Variants in CLPB observed in about 807,000 individuals in gnomAD.
CLPB encodes the protein mitochondrial disaggregase.
In CLPB, 40 loss-of-function variants were observed where a neutral mutation model predicts 78.4. The observed-to-expected ratio is 0.51, with a 90% CI of 0.40 to 0.66. CLPB has a LOEUF of 0.66. CLPB is among the 30% of genes least tolerant of loss of function. The probability of loss-of-function intolerance (pLI) is 0.00; values close to 1 mark genes in which losing one functional copy is unlikely to be tolerated. For synonymous variants in CLPB, 333 were observed against 348.0 expected, an observed-to-expected ratio of 0.96 and a Z score of 0.48; for missense variants, 780 against 886.9, an observed-to-expected ratio of 0.88 and a Z score of 1.53.
intron 5 of CLPB, among the ~76,000 whole-genome samples, chr11:72,358,055 C>A (rs1034407350): frequency 6.6e-6 from 1 of 152,166 alleles, no homozygotes; most frequent in Non-Finnish European, 1.5e-5. Flanking sequence ...CAAGGAGAGG[C>A]AGGAGTGGGA....
rs1949537655 is a variant in CLPB at position 72,295,599 on chromosome 11, A to G, written c.1379T>C (p.Ile460Thr). ...KGKTIDCKDA[I>T]FIMTSNVASD... The stretch of plus-strand genomic sequence containing the variant: ...GGCCACATTGGAGGTCATGATGAAG[A>G]TGGCGTCCTTGCAATCAATGGTCTT... Residue 460 changes from isoleucine (I) to threonine (T), a missense_variant, in exon 12 of 16, where the codon ATC becomes ACC. This residue lies in a region of CLPB where 272 missense variants were observed against 304.0 expected (regional missense o/e 0.89). Transcript: ENST00000538039. 6.2e-7 allele frequency: 1 copy of G among 1,614,116 alleles called. No homozygotes were observed. Among genetic ancestry groups the G allele is most frequent in the East Asian group, 2.2e-5 (1 of 44,886 alleles).
rs576878066 is a variant in CLPB at position 72,338,232 on chromosome 11, C to A, written c.776-8428G>T. On this transcript the variant is annotated intron_variant, in intron 5 of 15. Transcript: ENST00000538039. ...ATGAAGATGATGATTCTTCCCCCTA[C>A]CCCCCTGGTACAAGGGAGCTAGGCA... 2.0e-5 allele frequency among the ~76,000 whole-genome samples: 3 copies of A among 152,212 alleles called. No homozygotes were observed. The South Asian group carries it at 6.2e-4, about 32-fold the overall frequency.
At chr11:72,349,178 G>A (rs1345831702) in intron 5 of CLPB, among the ~76,000 whole-genome samples, 6 of 152,166 alleles carry the variant, frequency 3.9e-5, no homozygotes, top group Non-Finnish European at 5.9e-5. Context: ...ATTATTTTAC[G>A]GATAAGGAAA....
chr11:72,357,688 C>T (rs1356077297), intron 5 of CLPB, among the ~76,000 whole-genome samples: 1 of 130,078 alleles, frequency 7.7e-6, no homozygotes, highest in East Asian at 2.2e-4. Context: ...AAAAGCAAAA[C>T]TCCGTGTCCC....
intron 4 of CLPB, among the ~76,000 whole-genome samples, chr11:72,367,442 G>A (rs1950964834): frequency 6.6e-6 from 1 of 152,188 alleles, no homozygotes; most frequent in South Asian, 2.1e-4. Flanking sequence ...GGGATTACAG[G>A]CATGAGCTGT....
rs1291683366 is a variant in CLPB, at chr11:72,347,789, A to C, written c.775+11091T>G. Among the ~76,000 whole-genome samples the C allele has an allele frequency of 2.6e-5, 4 of 152,202 alleles. No individual in the cohort carries two copies. The East Asian group carries it at 7.7e-4, about 29-fold the overall frequency. ...TAGAATTGATGTTGCTAATTAGTTGACTTTGAGATTACTCTGGACTATCTG... is the reference window on the plus strand; with the variant it reads ...TAGAATTGATGTTGCTAATTAGTTGCCTTTGAGATTACTCTGGACTATCTG... On this transcript the variant is annotated intron_variant, in intron 5 of 15. Transcript: ENST00000538039.
intron 3 of CLPB, among the ~76,000 whole-genome samples, chr11:72,395,953 C>T (rs909174261): frequency 3.3e-5 from 5 of 152,156 alleles, no homozygotes; most frequent in Admixed American, 2.0e-4. Flanking sequence ...AAAGGAAGGC[C>T]TTTAAAACCT....
rs778826404 is a variant in CLPB, at chr11:72,408,049, G to A, written c.456-4997C>T. The A allele has an allele frequency of 3.4e-5, 40 of 1,184,064 alleles. 1 individual carries two copies. The South Asian group carries it at 5.2e-4, about 15-fold the overall frequency. 73.3% of individuals were successfully genotyped at this position (1,184,064 alleles called of 1,614,324 possible). On this transcript the variant is annotated intron_variant, in intron 2 of 15. Coordinates refer to ENST00000538039, the MANE Select transcript of CLPB (RefSeq NM_001258392.3). The stretch of plus-strand genomic sequence containing the variant: ...GGATCACAATCCTCCCAGTGTCATA[G>A]GAGTTTTAGGAGGCAGCACCGAAAT...
chr11:72,395,356 T>C (rs1223422516), intron 3 of CLPB, among the ~76,000 whole-genome samples: 2 of 152,118 alleles, frequency 1.3e-5, no homozygotes, highest in Admixed American at 1.3e-4. Flanking sequence ...ATGGCCTTGC[T>C]CCCGGCCCCT....
At chr11:72,359,269 A>G (rs1950788513) in intron 4 of CLPB, 2 of 604,464 alleles carry the variant, frequency 3.3e-6, no homozygotes, top group South Asian at 1.6e-5. Flanking sequence ...AAGGTCCCTG[A>G]CCTAACTGAC....
chr11:72,349,141 G>A (rs933575957), intron 5 of CLPB, among the ~76,000 whole-genome samples: 12 of 152,192 alleles, frequency 7.9e-5, no homozygotes, highest in African/African-American at 2.9e-4. Context: ...TACAGTGAAA[G>A]GAAGTCTGAG....
intron 13 of CLPB, 30 bp from the exon 14 acceptor site, chr11:72,294,474 C>G: frequency 1.2e-6 from 2 of 1,613,690 alleles, no homozygotes; most frequent in Non-Finnish European, 1.7e-6. Context: ...GTGGGATGAG[C>G]TCAGTGACCC....
chr11:72,337,431 T>C (rs1395737599), intron 5 of CLPB, among the ~76,000 whole-genome samples: 1 of 152,188 alleles, frequency 6.6e-6, no homozygotes, highest in Non-Finnish European at 1.5e-5. Flanking sequence ...TTACAGATGA[T>C]TTAACTGAGT....
chr11:72,321,911 A>G (rs577355972), intron 6 of CLPB, among the ~76,000 whole-genome samples: 1 of 151,150 alleles, frequency 6.6e-6, no homozygotes, highest in East Asian at 2.0e-4. Context: ...ATGGTATGAC[A>G]TAGAGGCCTG....
At chr11:72,362,307 C>T (rs934221716) in intron 4 of CLPB, among the ~76,000 whole-genome samples, 4 of 152,156 alleles carry the variant, frequency 2.6e-5, no homozygotes, top group Admixed American at 6.6e-5. Context: ...TACATTCTAT[C>T]GTAAGCACTT....
At chr11:72,390,801 G>T (rs1476468204) in intron 3 of CLPB, among the ~76,000 whole-genome samples, 1 of 152,172 alleles carries the variant, frequency 6.6e-6, no homozygotes, top group East Asian at 1.9e-4. Flanking sequence ...AAGCACTTCT[G>T]CTCCTGAGTA....
chr11:72,399,525 T>C (rs1205330890), intron 3 of CLPB, among the ~76,000 whole-genome samples: 1 of 152,256 alleles, frequency 6.6e-6, no homozygotes, highest in African/African-American at 2.4e-5. Context: ...AGCACTGTTA[T>C]TTCCTATTCA....
intron 2 of CLPB, among the ~76,000 whole-genome samples, chr11:72,409,941 C>A (rs1256954697): frequency 2.0e-5 from 3 of 151,642 alleles, no homozygotes; most frequent in Non-Finnish European, 4.4e-5. Flanking sequence ...TGTGCCACTG[C>A]ACTCCGACCT....
chr11:72,371,401 T>G lies in CLPB; in HGVS notation c.646+8880A>C, dbSNP rs989296601. Among the ~76,000 whole-genome samples the G allele has an allele frequency of 5.3e-5, 8 of 151,978 alleles. No homozygotes were observed. The East Asian group carries it at 1.5e-3, about 29-fold the overall frequency. Reference sequence around the variant, plus strand: ...AAATTTTGCCAGGCATGGTGGCACATGCCTGTAATCCCAACTACTCAGGAG... The same window carrying G: ...AAATTTTGCCAGGCATGGTGGCACAGGCCTGTAATCCCAACTACTCAGGAG... On this transcript the variant is annotated intron_variant, in intron 4 of 15. Transcript: ENST00000538039.
Sources: gnomAD v4.1 joint callset for allele counts (sites outside exome capture counted in the v4.1 genomes callset) on GRCh38, gnomAD v4.1.1 for gene constraint, gnomAD v4.1.1 regional missense constraint, MANE v1.5 for transcripts, NCBI Gene and HGNC (gene_info 2026-07-23, HGNC 2026-07-21) for gene names.